Variants in MBOAT2 observed in about 807,000 individuals in gnomAD.
The protein encoded by MBOAT2 is membrane-bound glycerophospholipid O-acyltransferase 2.
A neutral mutation model predicts 63.4 loss-of-function variants in MBOAT2; 28 were observed. The ratio of observed to expected loss-of-function variants is 0.44; its 90% confidence interval spans 0.33 to 0.61. The LOEUF is 0.61. Ranked by LOEUF, MBOAT2 falls within the 20% of genes least tolerant of loss-of-function variation. The pLI, the probability that MBOAT2 is intolerant of heterozygous loss-of-function variation, is 0.03. For missense variants in MBOAT2, 470 were observed against 605.8 expected, an observed-to-expected ratio of 0.78 and a Z score of 2.35; for synonymous variants, 211 against 215.6, an observed-to-expected ratio of 0.98 and a Z score of 0.19.
At chr2:8,880,993 G>T (rs1663084091) in intron 6 of MBOAT2, among the ~76,000 whole-genome samples, 2 of 152,194 alleles carry the variant, frequency 1.3e-5, no homozygotes, top group African/African-American at 4.8e-5. Context: ...CAGTAATGGG[G>T]TGATGGCCAG....
intron 4 of MBOAT2, among the ~76,000 whole-genome samples, chr2:8,901,804 T>C (rs971965837): frequency 6.6e-6 from 1 of 152,152 alleles, no homozygotes; most frequent in Admixed American, 6.5e-5. Flanking sequence ...AAGTTTATAC[T>C]AGAAATCATT....
chr2:8,878,140 G>A (rs1403052365), intron 6 of MBOAT2, among the ~76,000 whole-genome samples: 1 of 152,236 alleles, frequency 6.6e-6, no homozygotes, highest in African/African-American at 2.4e-5. Flanking sequence ...GAGCCTGAAG[G>A]CTGCGGAGGG....
chr2:8,955,059 C>G (rs1435293513), intron 2 of MBOAT2, among the ~76,000 whole-genome samples: 2 of 152,220 alleles, frequency 1.3e-5, no homozygotes, highest in Non-Finnish European at 2.9e-5. Flanking sequence ...AATTCTAGCC[C>G]TACAGCTGAG....
intron 3 of MBOAT2, among the ~76,000 whole-genome samples, chr2:8,919,956 G>A (rs1666458284): frequency 6.6e-6 from 1 of 151,964 alleles, no homozygotes; most frequent in Admixed American, 6.6e-5. Context: ...TTAAAAGATG[G>A]TGTCTCACTA....
At chr2:8,964,893 C>T (rs1264547570) in intron 1 of MBOAT2, among the ~76,000 whole-genome samples, 1 of 152,102 alleles carries the variant, frequency 6.6e-6, no homozygotes, top group African/African-American at 2.4e-5. Flanking sequence ...CCCTTTATAT[C>T]CTTTGCCCAT....
intron 2 of MBOAT2, among the ~76,000 whole-genome samples, chr2:8,943,986 C>T (rs1241846151): frequency 1.3e-5 from 2 of 152,138 alleles, no homozygotes; most frequent in Non-Finnish European, 2.9e-5. Flanking sequence ...GCCTCAGCCT[C>T]CCGAGTAGCT....
chr2:9,001,907 T>G (rs1672716509), intron 1 of MBOAT2, among the ~76,000 whole-genome samples: 1 of 152,164 alleles, frequency 6.6e-6, no homozygotes, highest in South Asian at 2.1e-4. Context: ...TGCCCATCTC[T>G]CTGAAAGAAA....
chr2:8,989,195 G>A (rs1671759787), intron 1 of MBOAT2, among the ~76,000 whole-genome samples: 1 of 152,120 alleles, frequency 6.6e-6, no homozygotes, highest in African/African-American at 2.4e-5. Context: ...CCTATTTCAG[G>A]TAATCTTAGG....
rs548408936 is a variant in MBOAT2, at chr2:8,853,102, CA to C, written c.*5576del. The C allele has an allele frequency of 1.4e-3, 208 of 152,258 alleles. 1 individual carries two copies. Among genetic ancestry groups the C allele is most frequent in the African/African-American group, 4.6e-3 (190 of 41,564 alleles). The allele number at this position is 152,258 out of a possible 1,614,324, so 9.4% of individuals were successfully genotyped here. On this transcript the variant is annotated 3_prime_UTR_variant, in exon 13 of 13. Transcript: ENST00000305997. ...AACTACTACTAGGCAGAGATCAAGACAACGTTTAAAGGAAGGCAGGAATGAA... is the reference window on the plus strand; with the variant it reads ...AACTACTACTAGGCAGAGATCAAGACACGTTTAAAGGAAGGCAGGAATGAA...
chr2:8,916,723 C>T (rs949015247), intron 3 of MBOAT2, among the ~76,000 whole-genome samples: 6 of 152,240 alleles, frequency 3.9e-5, no homozygotes, highest in Non-Finnish European at 7.3e-5. Flanking sequence ...CAGGCTTAGA[C>T]GGCTTTGGTT....
intron 3 of MBOAT2, among the ~76,000 whole-genome samples, chr2:8,934,013 A>G (rs1667499075): frequency 6.6e-6 from 1 of 152,214 alleles, no homozygotes; most frequent in Non-Finnish European, 1.5e-5. Context: ...ATACAAAGGA[A>G]TCTCAATCAC....
intron 7 of MBOAT2, among the ~76,000 whole-genome samples, chr2:8,876,214 A>G (rs1461332498): frequency 1.3e-5 from 2 of 152,256 alleles, no homozygotes; most frequent in African/African-American, 4.8e-5. Context: ...CCAGTGGCTT[A>G]AAGAAAATAA....
chr2:8,999,489 T>A lies in MBOAT2; in HGVS notation c.75+4051A>T, dbSNP rs887868775. Among the ~76,000 whole-genome samples, 5 of 152,136 alleles carry A rather than the reference T, an allele frequency of 3.3e-5. No individual in the cohort carries two copies. In the East Asian group the frequency reaches 9.6e-4, roughly 29 times the overall value. On this transcript the variant is annotated intron_variant, in intron 1 of 12. Coordinates refer to ENST00000305997, the MANE Select transcript of MBOAT2 (RefSeq NM_138799.4). ...TGTTAAGATTGAAAAATAAAAACAC[T>A]CTAAAAAATAGGTTGATCTGGGACA...
intron 4 of MBOAT2, among the ~76,000 whole-genome samples, chr2:8,894,890 A>C (rs1664318431): frequency 6.7e-6 from 1 of 150,330 alleles, no homozygotes; most frequent in African/African-American, 2.5e-5. Flanking sequence ...CGTTCCTCCC[A>C]GTGGGTTCGT....
chr2:8,902,575 G>A (rs930190770), intron 4 of MBOAT2, among the ~76,000 whole-genome samples: 3 of 152,016 alleles, frequency 2.0e-5, no homozygotes, highest in Admixed American at 1.3e-4. Context: ...AAGGCGGTGC[G>A]TCTGGAGTTG....
chr2:8,872,844 T>C (rs1270148526), intron 8 of MBOAT2, among the ~76,000 whole-genome samples: 1 of 152,262 alleles, frequency 6.6e-6, no homozygotes, highest in Non-Finnish European at 1.5e-5. Context: ...TGGCTAGCAC[T>C]GAATCTAGAA....
chr2:8,928,483 C>G (rs1667085516), intron 3 of MBOAT2, among the ~76,000 whole-genome samples: 2 of 152,088 alleles, frequency 1.3e-5, no homozygotes, highest in South Asian at 4.1e-4. Flanking sequence ...AGCAGCTGTT[C>G]TTAAATTTTT....
intron 2 of MBOAT2, among the ~76,000 whole-genome samples, chr2:8,946,803 GTC>G (rs1318465069): frequency 6.6e-6 from 1 of 152,172 alleles, no homozygotes; most frequent in Non-Finnish European, 1.5e-5. Flanking sequence ...CTGACCGGCA[GTC>G]TCTGTCTTCC....
intron 1 of MBOAT2, among the ~76,000 whole-genome samples, chr2:8,969,074 T>C (rs1055338368): frequency 2.6e-5 from 4 of 152,056 alleles, no homozygotes; most frequent in Non-Finnish European, 5.9e-5. Flanking sequence ...AATTGTAAGA[T>C]TCACCAAAGT....
Sources: gnomAD v4.1 joint callset for allele counts (sites outside exome capture counted in the v4.1 genomes callset) on GRCh38, gnomAD v4.1.1 for gene constraint, MANE v1.5 for transcripts, NCBI Gene and HGNC (gene_info 2026-07-23, HGNC 2026-07-21) for gene names.